Variants in ARHGAP15 observed in about 807,000 individuals in gnomAD.
ARHGAP15 encodes rho GTPase-activating protein 15.
In ARHGAP15, 51 loss-of-function variants were observed where a neutral mutation model predicts 63.7. The observed-to-expected ratio is 0.80, with a 90% CI of 0.64 to 1.01. The LOEUF is 1.01. ARHGAP15 is among the 50% of genes least tolerant of loss of function. ARHGAP15 has a pLI of 0.00. For missense variants in ARHGAP15, 560 were observed against 564.6 expected (o/e 0.99, Z 0.08); for synonymous variants, 191 against 193.8 (o/e 0.99, Z 0.12).
rs146339814 is a variant in ARHGAP15, at chr2:143,342,814, C to A, written c.474+92214C>A. Among the ~76,000 whole-genome samples, 334 of 152,128 alleles carry A rather than the reference C, an allele frequency of 2.2e-3. 1 individual carries two copies. The highest frequency in any genetic ancestry group is 7.6e-3 in the African/African-American group (317 of 41,530). On this transcript the variant is annotated intron_variant, in intron 6 of 13. Coordinates refer to ENST00000295095, the MANE Select transcript of ARHGAP15 (RefSeq NM_018460.4). The stretch of plus-strand genomic sequence containing the variant: ...ATCACTAGATACCTTTTCTTAAAAT[C>A]TCTCTCCTTAGTGAGCTGTTCCCTA...
At chr2:143,763,174 T>C (rs115901638) in intron 13 of ARHGAP15, among the ~76,000 whole-genome samples, 1,765 of 152,142 alleles carry the variant, frequency 0.012, 38 homozygotes, top group African/African-American at 0.04. Context: ...AAAAAATAGG[T>C]AATAATTAGA....
At chr2:143,724,275 A>T (rs1019218088) in intron 13 of ARHGAP15, among the ~76,000 whole-genome samples, 1 of 152,198 alleles carries the variant, frequency 6.6e-6, no homozygotes, top group African/African-American at 2.4e-5. Context: ...GTCACCTTGG[A>T]TAACAGCTTC....
intron 6 of ARHGAP15, among the ~76,000 whole-genome samples, chr2:143,316,268 A>G (rs1038542176): frequency 2.6e-5 from 4 of 151,932 alleles, no homozygotes; most frequent in Non-Finnish European, 5.9e-5. Context: ...TTCTCAAACA[A>G]GCAGTATTGA....
chr2:143,670,784 G>A (rs1230818445), intron 12 of ARHGAP15, among the ~76,000 whole-genome samples: 1 of 152,142 alleles, frequency 6.6e-6, no homozygotes, highest in Non-Finnish European at 1.5e-5. Flanking sequence ...TGTTTTATAT[G>A]TAAAACTATT....
intron 12 of ARHGAP15, chr2:143,640,761 G>A (rs1680562477): frequency 6.6e-6 from 1 of 152,088 alleles, no homozygotes; most frequent in Admixed American, 6.6e-5. Context: ...ATGACTGTTT[G>A]CATGATTCTG....
At chr2:143,554,404 A>AAG (rs1695700803) in intron 10 of ARHGAP15, among the ~76,000 whole-genome samples, 1 of 152,008 alleles carries the variant, frequency 6.6e-6, no homozygotes, top group Non-Finnish European at 1.5e-5. Context: ...CAAAACCCCC[A>AAG]AGCATGCCAT....
At chr2:143,135,737 C>A (rs2104982082) in intron 1 of ARHGAP15, among the ~76,000 whole-genome samples, 1 of 152,176 alleles carries the variant, frequency 6.6e-6, no homozygotes, top group East Asian at 1.9e-4. Flanking sequence ...TCCAGTTTTC[C>A]TCCAAACTAC....
At chr2:143,596,057 G>A (rs1374752303) in intron 11 of ARHGAP15, among the ~76,000 whole-genome samples, 1 of 152,064 alleles carries the variant, frequency 6.6e-6, no homozygotes, top group East Asian at 1.9e-4. Flanking sequence ...AACCACCCTT[G>A]CTTGGTGCTA....
At chr2:143,580,560 G>T (rs1242032906) in intron 11 of ARHGAP15, among the ~76,000 whole-genome samples, 3 of 151,850 alleles carry the variant, frequency 2.0e-5, no homozygotes, top group Non-Finnish European at 4.4e-5. Flanking sequence ...ACTCCACTGA[G>T]GTTCCAAGTT....
At position 143,677,223 on chromosome 2, in the gene ARHGAP15, C is replaced by T. The variant is rs1052136769; in HGVS notation, c.1139-26196C>T. Among the ~76,000 whole-genome samples the T allele has an allele frequency of 5.3e-5, 8 of 152,346 alleles. No individual in the cohort carries two copies. In the East Asian group the frequency reaches 1.3e-3, roughly 26 times the overall value. The stretch of plus-strand genomic sequence containing the variant: ...AAATAGGGAATTCAGACCTGATGAG[C>T]TTGCTCAGGGATTTATGTGTGGTGA... On this transcript the variant is annotated intron_variant, in intron 12 of 13. Transcript: ENST00000295095.
At chr2:143,446,816 C>T (rs1259418543) in intron 8 of ARHGAP15, among the ~76,000 whole-genome samples, 1 of 132,420 alleles carries the variant, frequency 7.6e-6, no homozygotes, top group Non-Finnish European at 1.5e-5. Context: ...CTGTGATGTT[C>T]CCCTTCCTGT....
intron 12 of ARHGAP15, among the ~76,000 whole-genome samples, chr2:143,685,728 T>G (rs1458148198): frequency 6.6e-6 from 1 of 152,182 alleles, no homozygotes; most frequent in African/African-American, 2.4e-5. Flanking sequence ...CAGGCCCCAT[T>G]AAGCCATCAG....
intron 1 of ARHGAP15, among the ~76,000 whole-genome samples, chr2:143,149,943 T>C (rs899713118): frequency 6.6e-6 from 1 of 152,082 alleles, no homozygotes; most frequent in African/African-American, 2.4e-5. Context: ...GGCTACACTA[T>C]GATCATTTTA....
At chr2:143,447,953 A>C (rs530044175) in intron 8 of ARHGAP15, among the ~76,000 whole-genome samples, 1 of 152,264 alleles carries the variant, frequency 6.6e-6, no homozygotes, top group South Asian at 2.1e-4. Context: ...CACAGGTAAT[A>C]TATTTGGAAG....
chr2:143,356,096 G>A (rs559650079), intron 6 of ARHGAP15, among the ~76,000 whole-genome samples: 4 of 152,004 alleles, frequency 2.6e-5, no homozygotes, highest in African/African-American at 4.8e-5. Flanking sequence ...GCATTCTGAT[G>A]CCTCTAAAAG....
intron 13 of ARHGAP15, among the ~76,000 whole-genome samples, chr2:143,763,619 A>G (rs1686839359): frequency 6.9e-6 from 1 of 144,394 alleles, no homozygotes; most frequent in Admixed American, 6.8e-5. Flanking sequence ...TTGCATATAT[A>G]TAAATAATAA....
intron 11 of ARHGAP15, among the ~76,000 whole-genome samples, chr2:143,574,616 T>C (rs1280763753): frequency 4.6e-5 from 7 of 152,174 alleles, no homozygotes; most frequent in Non-Finnish European, 8.8e-5. Flanking sequence ...GGCTGCCCAC[T>C]TGGTTATGAC....
chr2:143,568,948 G>A (rs577992928), intron 11 of ARHGAP15, among the ~76,000 whole-genome samples: 1 of 152,284 alleles, frequency 6.6e-6, no homozygotes, highest in East Asian at 1.9e-4. Context: ...TCACTCATAG[G>A]TGGGAATTGA....
At chr2:143,153,833 CTTCTTCTTCT>C (rs1558779477) in intron 1 of ARHGAP15, among the ~76,000 whole-genome samples, 46 of 90,892 alleles carry the variant, frequency 5.1e-4, no homozygotes, top group African/African-American at 1.7e-3. Context: ...TCTTCTTCTT[CTTCTTCTTCT>C]TCCTCCTCCT....
Sources: allele counts gnomAD v4.1 joint callset (sites outside exome capture counted in the v4.1 genomes callset), GRCh38; gene constraint gnomAD v4.1.1; transcripts MANE v1.5; gene names NCBI Gene and HGNC (gene_info 2026-07-23, HGNC 2026-07-21).